The following MAN1A2 variants were observed in gnomAD, a reference collection of about 807,000 sequenced individuals.
The protein encoded by MAN1A2 is mannosyl-oligosaccharide 1,2-alpha-mannosidase IB.
Under a neutral mutation model 75.7 loss-of-function variants are expected in MAN1A2, and 26 were observed. The observed-to-expected ratio is 0.34, with a 90% CI of 0.25 to 0.48. The LOEUF (loss-of-function observed/expected upper bound fraction) is 0.48. Among genes scored for constraint, MAN1A2 ranks in the 20% least tolerant of loss-of-function variants. MAN1A2 has a pLI of 0.99. For synonymous variants in MAN1A2, 247 were observed against 264.6 expected (o/e 0.93, Z 0.65); for missense variants, 562 against 775.5 (o/e 0.72, Z 3.27).
chr1:117,393,021 C>T (rs1430751011), intron 1 of MAN1A2, among the ~76,000 whole-genome samples: 1 of 152,208 alleles, frequency 6.6e-6, no homozygotes, highest in African/African-American at 2.4e-5. Context: ...AAAGGGATTA[C>T]TGTTAAGGAG....
intron 1 of MAN1A2, among the ~76,000 whole-genome samples, chr1:117,383,576 A>G (rs933961613): frequency 2.0e-5 from 3 of 152,110 alleles, no homozygotes; most frequent in African/African-American, 7.2e-5. Flanking sequence ...CAGTAAAGCT[A>G]TCTGGTTCTG....
In MAN1A2 at chr1:117,505,374, A is replaced by G. The variant is rs547289683; in HGVS notation, c.1793+2404A>G. On this transcript the variant is annotated intron_variant, in intron 12 of 12. Coordinates refer to ENST00000356554, the MANE Select transcript of MAN1A2 (RefSeq NM_006699.5). ...TGCCTCATCCCCTTCTAGTACCTAT[A>G]TGGAATATCACCAGTTAATCTTGGT... Among the ~76,000 whole-genome samples, 4 of 151,482 alleles carry G rather than the reference A, an allele frequency of 2.6e-5. No homozygotes were observed. The South Asian group carries it at 6.2e-4, about 24-fold the overall frequency.
chr1:117,374,307 A>G (rs762095279), intron 1 of MAN1A2, among the ~76,000 whole-genome samples: 16 of 152,060 alleles, frequency 1.1e-4, no homozygotes, highest in Non-Finnish European at 1.9e-4. Flanking sequence ...AAAAAAATTA[A>G]CTTCTGGTTT....
chr1:117,453,433 A>G (rs1190920081), intron 6 of MAN1A2, among the ~76,000 whole-genome samples: 3 of 152,182 alleles, frequency 2.0e-5, no homozygotes, highest in African/African-American at 7.2e-5. Flanking sequence ...AGGAGTTTGG[A>G]AGAATTTGAT....
chr1:117,485,371 C>G (rs1173977596), intron 8 of MAN1A2, among the ~76,000 whole-genome samples: 1 of 151,940 alleles, frequency 6.6e-6, no homozygotes, highest in African/African-American at 2.4e-5. Flanking sequence ...GGCCATTCAT[C>G]TTTCTTGAGA....
At chr1:117,511,597 T>C (rs915285442) in intron 12 of MAN1A2, among the ~76,000 whole-genome samples, 2 of 152,078 alleles carry the variant, frequency 1.3e-5, no homozygotes, top group African/African-American at 4.8e-5. Context: ...TCAGTAAATA[T>C]GTATTGAATT....
intron 3 of MAN1A2, among the ~76,000 whole-genome samples, chr1:117,408,235 T>C (rs1647677107): frequency 6.7e-6 from 1 of 149,328 alleles, no homozygotes; most frequent in African/African-American, 2.5e-5. Context: ...ACCATGATCA[T>C]GATGCCTGTG....
intron 4 of MAN1A2, among the ~76,000 whole-genome samples, chr1:117,417,534 A>AATATATATATATATATATATATATGTGAT (rs1648036063): frequency 1.1e-5 from 1 of 89,218 alleles, no homozygotes; most frequent in African/African-American, 4.5e-5. Flanking sequence ...CTTGAGTTTA[A>AATATATATATATATATATATATATGTGAT]ATATATATAT....
chr1:117,474,713 A>T (rs1030912158), intron 8 of MAN1A2, among the ~76,000 whole-genome samples: 2 of 151,978 alleles, frequency 1.3e-5, no homozygotes, highest in African/African-American at 4.8e-5. Context: ...TTTACATATA[A>T]TAAACTGTAC....
intron 5 of MAN1A2, 22 bp from the exon 6 acceptor site, chr1:117,442,209 A>G: frequency 7.0e-7 from 1 of 1,432,922 alleles, no homozygotes; most frequent in Non-Finnish European, 9.9e-7. Context: ...TAATTTATGA[A>G]TATTCATGTT....
At chr1:117,432,459 A>G (rs575474237) in intron 5 of MAN1A2, among the ~76,000 whole-genome samples, 3 of 152,262 alleles carry the variant, frequency 2.0e-5, no homozygotes, top group African/African-American at 7.2e-5. Flanking sequence ...ATCATTGCAG[A>G]TTCCACATAC....
intron 8 of MAN1A2, among the ~76,000 whole-genome samples, chr1:117,486,591 G>A (rs951816991): frequency 6.6e-6 from 1 of 151,918 alleles, no homozygotes; most frequent in African/African-American, 2.4e-5. Flanking sequence ...TGAAAAAAGA[G>A]TTCAGATTAA....
intron 3 of MAN1A2, 49 bp downstream of exon 3, chr1:117,405,694 T>C: frequency 9.7e-7 from 1 of 1,026,520 alleles, no homozygotes; most frequent in East Asian, 2.4e-5. Context: ...CCTCCATCTT[T>C]TAAAACAAGA....
chr1:117,374,081 A>C (rs1425611708), intron 1 of MAN1A2, among the ~76,000 whole-genome samples: 3 of 152,078 alleles, frequency 2.0e-5, no homozygotes, highest in East Asian at 3.9e-4. Context: ...GGATTGATTG[A>C]TTGAGGCCAG....
intron 12 of MAN1A2, among the ~76,000 whole-genome samples, chr1:117,508,875 T>C (rs1377831669): frequency 6.6e-6 from 1 of 151,728 alleles, no homozygotes; most frequent in Non-Finnish European, 1.5e-5. Context: ...AAAATACTTT[T>C]TGTTTTTGTC....
rs2767318 is a variant in MAN1A2 at position 117,525,936 on chromosome 1, G to A, written c.*2979G>A. Reference sequence around the variant, plus strand: ...GTGTTTATATGTAAAATAAAACCTGGGTATCGAAGGGAAATGCATTCTTTT... The same window carrying A: ...GTGTTTATATGTAAAATAAAACCTGAGTATCGAAGGGAAATGCATTCTTTT... On this transcript the variant is annotated 3_prime_UTR_variant, in exon 13 of 13. Transcript: ENST00000356554. 0.24 allele frequency: 36,376 copies of A among 151,268 alleles called. 4,562 individuals are homozygous for A. Among genetic ancestry groups the A allele is most frequent in the East Asian group, 0.4 (2,040 of 5,148 alleles). 9.4% of individuals were successfully genotyped at this position (151,268 alleles called of 1,614,324 possible).
At chr1:117,425,948 T>G (rs907259560) in intron 5 of MAN1A2, among the ~76,000 whole-genome samples, 1 of 152,146 alleles carries the variant, frequency 6.6e-6, no homozygotes, top group Non-Finnish European at 1.5e-5. Flanking sequence ...ATTTTTCAGG[T>G]TTTTCAGGTA....
intron 5 of MAN1A2, among the ~76,000 whole-genome samples, chr1:117,431,923 T>TG (rs1361330063): frequency 6.6e-6 from 1 of 152,130 alleles, no homozygotes; most frequent in African/African-American, 2.4e-5. Context: ...GCACTTCAGC[T>TG]GGGGCAACAG....
intron 7 of MAN1A2, among the ~76,000 whole-genome samples, chr1:117,466,076 G>C (rs556641626): frequency 1.1e-4 from 16 of 152,130 alleles, no homozygotes; most frequent in African/African-American, 3.9e-4. Flanking sequence ...GATTTAAAAT[G>C]GTTTCTATCT....
Sources: allele counts gnomAD v4.1 joint callset (sites outside exome capture counted in the v4.1 genomes callset), GRCh38; gene constraint gnomAD v4.1.1; transcripts MANE v1.5; gene names NCBI Gene and HGNC (gene_info 2026-07-23, HGNC 2026-07-21).